Variants in CYP7B1 observed in about 807,000 individuals in gnomAD.
The protein encoded by CYP7B1 is cytochrome P450 family 7 subfamily B member 1.
In CYP7B1, 29 loss-of-function variants were observed where a neutral mutation model predicts 42.7. The ratio of observed to expected loss-of-function variants is 0.68; its 90% confidence interval spans 0.51 to 0.93. The LOEUF is 0.93. CYP7B1 is among the 40% of genes least tolerant of loss of function. CYP7B1 has a pLI of 0.00. For missense variants in CYP7B1, 655 were observed against 600.5 expected (o/e 1.09, Z -0.95); for synonymous variants, 235 against 218.2 (o/e 1.08, Z -0.68).
intron 1 of CYP7B1, among the ~76,000 whole-genome samples, chr8:64,748,105 T>C (rs1807671925): frequency 6.6e-6 from 1 of 152,184 alleles, no homozygotes; most frequent in Non-Finnish European, 1.5e-5. Flanking sequence ...GCAGTGATGA[T>C]GTCTGATGAG....
At chr8:64,760,744 G>A (rs1807877152) in intron 1 of CYP7B1, among the ~76,000 whole-genome samples, 1 of 152,088 alleles carries the variant, frequency 6.6e-6, no homozygotes, top group Non-Finnish European at 1.5e-5. Context: ...CTTGTACACT[G>A]TTGGTGAGAA....
At chr8:64,723,130 C>T (rs754390811) in intron 1 of CYP7B1, among the ~76,000 whole-genome samples, 14 of 152,120 alleles carry the variant, frequency 9.2e-5, no homozygotes, top group Non-Finnish European at 1.6e-4. Context: ...TTTTGAAAAC[C>T]GTTTTGGAAA....
At position 64,774,941 on chromosome 8, in the gene CYP7B1, T is replaced by C. The variant is rs555119901; in HGVS notation, c.122+23525A>G. Among the ~76,000 whole-genome samples, 5 of 152,318 alleles carry C rather than the reference T, an allele frequency of 3.3e-5. 1 individual carries two copies. The highest frequency in any genetic ancestry group is 2.1e-4 in the South Asian group (1 of 4,826). ...ACTCTGATTCTAAAGCCCTGCTCTT[T>C]AGCACTCTGCCATATCTTGACCTGA... is the stretch of plus-strand genomic sequence containing the variant. On this transcript the variant is annotated intron_variant, in intron 1 of 5. Coordinates refer to ENST00000310193, the MANE Select transcript of CYP7B1 (RefSeq NM_004820.5).
rs1205126577 is a variant in CYP7B1, at chr8:64,593,332, A to T, written c.*3310T>A. Among the ~76,000 whole-genome samples, 1 of 151,476 alleles carries T rather than the reference A, an allele frequency of 6.6e-6. No homozygotes were observed. The highest frequency in any genetic ancestry group is 1.5e-5 in the Non-Finnish European group (1 of 67,958). ...AGCCAAGAACTTGCAAAGACAACAT[A>T]CTCAATAGGTGAACTAGAAAGAAAC... On this transcript the variant is annotated 3_prime_UTR_variant, in exon 6 of 6. Transcript: ENST00000310193.
intron 1 of CYP7B1, among the ~76,000 whole-genome samples, chr8:64,744,547 T>A (rs1265416018): frequency 6.6e-6 from 1 of 152,168 alleles, no homozygotes. Context: ...CAATGGAAAT[T>A]GTGGATAACT....
At chr8:64,604,999 G>C (rs79219323) in intron 4 of CYP7B1, 142 bp from the exon 5 acceptor site, 2 of 1,023,798 alleles carry the variant, frequency 2.0e-6, no homozygotes, top group Non-Finnish European at 1.5e-6. Context: ...CACCAAGAGG[G>C]AGCCAAGGGT....
At chr8:64,673,845 C>T (rs1419880559) in intron 1 of CYP7B1, among the ~76,000 whole-genome samples, 1 of 151,914 alleles carries the variant, frequency 6.6e-6, no homozygotes, top group Non-Finnish European at 1.5e-5. Context: ...TTGCCGCAGA[C>T]CTTTCAGAAA....
At chr8:64,703,088 C>T (rs1585865987) in intron 1 of CYP7B1, among the ~76,000 whole-genome samples, 1 of 152,096 alleles carries the variant, frequency 6.6e-6, no homozygotes, top group Admixed American at 6.6e-5. Flanking sequence ...CAAACCCTGT[C>T]TGTACCAATG....
At chr8:64,628,164 T>G (rs1805636527) in intron 1 of CYP7B1, among the ~76,000 whole-genome samples, 1 of 152,176 alleles carries the variant, frequency 6.6e-6, no homozygotes, top group African/African-American at 2.4e-5. Context: ...ATCTTCTCAT[T>G]ACCGTTTAAA....
intron 1 of CYP7B1, among the ~76,000 whole-genome samples, chr8:64,708,400 C>T (rs961933872): frequency 1.3e-5 from 2 of 152,166 alleles, no homozygotes; most frequent in Non-Finnish European, 2.9e-5. Context: ...TTCTTTGACA[C>T]TTTGCAAAAC....
At chr8:64,661,540 T>C (rs1476234093) in intron 1 of CYP7B1, among the ~76,000 whole-genome samples, 1 of 152,212 alleles carries the variant, frequency 6.6e-6, no homozygotes, top group African/African-American at 2.4e-5. Flanking sequence ...ATCCAGATGG[T>C]TTTCATTGCT....
intron 1 of CYP7B1, among the ~76,000 whole-genome samples, chr8:64,713,143 T>C (rs1451295228): frequency 6.6e-6 from 1 of 152,118 alleles, no homozygotes; most frequent in East Asian, 1.9e-4. Flanking sequence ...ACAAAAATTG[T>C]TGGTATATGT....
intron 1 of CYP7B1, among the ~76,000 whole-genome samples, chr8:64,789,520 C>T (rs2129716874): frequency 6.6e-6 from 1 of 152,334 alleles, no homozygotes; most frequent in South Asian, 2.1e-4. Context: ...AGCCTTTGCA[C>T]TCAGAAGATG....
At chr8:64,695,543 T>C (rs1025558320) in intron 1 of CYP7B1, among the ~76,000 whole-genome samples, 1 of 152,040 alleles carries the variant, frequency 6.6e-6, no homozygotes, top group African/African-American at 2.4e-5. Flanking sequence ...TAAGTTTTTG[T>C]CACCTTTTAA....
At chr8:64,617,814 T>G (rs1223149464) in intron 2 of CYP7B1, among the ~76,000 whole-genome samples, 2 of 151,906 alleles carry the variant, frequency 1.3e-5, no homozygotes, top group Admixed American at 6.6e-5. Context: ...TTTGAAATAA[T>G]TTTCAACCTC....
intron 1 of CYP7B1, among the ~76,000 whole-genome samples, chr8:64,764,474 C>T (rs946528374): frequency 2.6e-5 from 4 of 152,004 alleles, no homozygotes; most frequent in African/African-American, 7.3e-5. Flanking sequence ...AAACAATGTG[C>T]CCTATTCCTT....
chr8:64,722,201 A>C (rs1410546981), intron 1 of CYP7B1, among the ~76,000 whole-genome samples: 2 of 152,176 alleles, frequency 1.3e-5, no homozygotes, highest in Non-Finnish European at 2.9e-5. Context: ...TTATAATTAC[A>C]ATGGAAAACT....
At chr8:64,639,962 G>T (rs1046645361) in intron 1 of CYP7B1, among the ~76,000 whole-genome samples, 1 of 151,932 alleles carries the variant, frequency 6.6e-6, no homozygotes, top group Admixed American at 6.6e-5. Context: ...GAAAAGAAAA[G>T]AAATGGAATA....
chr8:64,775,695 G>C (rs1356341376), intron 1 of CYP7B1, among the ~76,000 whole-genome samples: 1 of 152,094 alleles, frequency 6.6e-6, no homozygotes, highest in Admixed American at 6.6e-5. Flanking sequence ...GGGAACCTAG[G>C]GGAAGAGACA....
Sources: allele counts gnomAD v4.1 joint callset (sites outside exome capture counted in the v4.1 genomes callset), GRCh38; gene constraint gnomAD v4.1.1; transcripts MANE v1.5; gene names NCBI Gene and HGNC (gene_info 2026-07-23, HGNC 2026-07-21).